Variants in TYW1 observed in about 807,000 individuals in gnomAD.
The protein encoded by TYW1 is S-adenosyl-L-methionine-dependent tRNA 4-demethylwyosine synthase TYW1.
A neutral mutation model predicts 96.2 loss-of-function variants in TYW1; 46 were observed. The observed-to-expected ratio is 0.48, with a 90% confidence interval of 0.38 to 0.61. The LOEUF is 0.61. TYW1 is among the 20% of genes least tolerant of loss of function. The pLI is 0.00. For synonymous variants in TYW1, 274 were observed against 323.0 expected, an observed-to-expected ratio of 0.85 and a Z score of 1.63; for missense variants, 684 against 909.6, an observed-to-expected ratio of 0.75 and a Z score of 3.19.
At chr7:67,085,437 G>A (rs1411378939) in intron 11 of TYW1, among the ~76,000 whole-genome samples, 1 of 152,118 alleles carries the variant, frequency 6.6e-6, no homozygotes, top group Admixed American at 6.5e-5. Context: ...CTGCTGCCTT[G>A]TGAAGGAGGT....
At chr7:67,006,977 T>TA (rs1159440024) in intron 3 of TYW1, among the ~76,000 whole-genome samples, 86 of 113,234 alleles carry the variant, frequency 7.6e-4, no homozygotes, top group Non-Finnish European at 1.3e-3. Flanking sequence ...TTTTTTTTTT[T>TA]AACAGCCATC....
intron 10 of TYW1, among the ~76,000 whole-genome samples, chr7:67,073,193 A>G (rs931989185): frequency 6.6e-6 from 1 of 152,068 alleles, no homozygotes; most frequent in African/African-American, 2.4e-5. Flanking sequence ...GTGGTTCTCA[A>G]CTGGGGGCAA....
intron 12 of TYW1, among the ~76,000 whole-genome samples, chr7:67,112,993 T>G (rs568145316): frequency 1.3e-5 from 2 of 152,162 alleles, no homozygotes; most frequent in Non-Finnish European, 2.9e-5. Context: ...GTTAGAACCA[T>G]GGGGGATAGT....
intron 15 of TYW1, among the ~76,000 whole-genome samples, chr7:67,204,889 C>T (rs1800731438): frequency 6.6e-6 from 1 of 152,162 alleles, no homozygotes; most frequent in Non-Finnish European, 1.5e-5. Flanking sequence ...GCCCAGCCAA[C>T]TTTCTATTTA....
chr7:67,118,316 G>A (rs1179851365), intron 13 of TYW1, among the ~76,000 whole-genome samples: 4 of 151,870 alleles, frequency 2.6e-5, no homozygotes, highest in Non-Finnish European at 5.9e-5. Context: ...GACAGAGTGA[G>A]ACTCTGTCTC....
intron 6 of TYW1, among the ~76,000 whole-genome samples, chr7:67,020,745 C>T (rs1466388473): frequency 3.3e-5 from 5 of 152,244 alleles, no homozygotes; most frequent in South Asian, 2.1e-4. Flanking sequence ...AAATATTTGT[C>T]AAGGCTGGGC....
intron 15 of TYW1, among the ~76,000 whole-genome samples, chr7:67,196,905 C>T (rs1398571335): frequency 6.6e-6 from 1 of 152,080 alleles, no homozygotes; most frequent in Admixed American, 6.5e-5. Flanking sequence ...CAGCAAGGGA[C>T]ACAGTGCTCA....
intron 15 of TYW1, among the ~76,000 whole-genome samples, chr7:67,196,900 A>G (rs1196594091): frequency 6.6e-6 from 1 of 152,164 alleles, no homozygotes; most frequent in Non-Finnish European, 1.5e-5. Flanking sequence ...GTGTGCAGCA[A>G]GGGACACAGT....
At chr7:67,094,400 A>C (rs950372812) in intron 11 of TYW1, among the ~76,000 whole-genome samples, 4 of 151,930 alleles carry the variant, frequency 2.6e-5, no homozygotes, top group African/African-American at 9.7e-5. Flanking sequence ...TGGTAGTTCT[A>C]TTTTTAGTTC....
At chr7:67,040,832 A>C (rs1024394041) in intron 7 of TYW1, among the ~76,000 whole-genome samples, 1 of 151,942 alleles carries the variant, frequency 6.6e-6, no homozygotes, top group Non-Finnish European at 1.5e-5. Flanking sequence ...TGACAGAGTG[A>C]GACCCTATCT....
chr7:67,097,754 A>G (rs1300767381), intron 11 of TYW1, among the ~76,000 whole-genome samples: 5 of 151,734 alleles, frequency 3.3e-5, no homozygotes, highest in Admixed American at 2.6e-4. Context: ...GTGCAGTGGC[A>G]TGATAGTGGT....
At chr7:67,011,218 A>G (rs1431932144) in intron 4 of TYW1, among the ~76,000 whole-genome samples, 1 of 152,160 alleles carries the variant, frequency 6.6e-6, no homozygotes, top group Non-Finnish European at 1.5e-5. Context: ...TTGTATTTTT[A>G]GTAGAGATGG....
intron 11 of TYW1, among the ~76,000 whole-genome samples, chr7:67,085,903 A>G (rs1184244721): frequency 6.6e-6 from 1 of 151,860 alleles, no homozygotes; most frequent in Non-Finnish European, 1.5e-5. Flanking sequence ...CCAGGAGGCA[A>G]AGGTTGCAGT....
At chr7:67,104,505 C>CGCCT (rs936543207) in intron 12 of TYW1, among the ~76,000 whole-genome samples, 8 of 152,210 alleles carry the variant, frequency 5.3e-5, no homozygotes, top group South Asian at 2.1e-4. Context: ...CATCTCCCAC[C>CGCCT]AGGCCCCTCC....
chr7:67,031,034 C>T (rs983602160), intron 7 of TYW1, among the ~76,000 whole-genome samples: 16 of 142,164 alleles, frequency 1.1e-4, no homozygotes, highest in Non-Finnish European at 2.2e-4. Flanking sequence ...AACCCTGTCT[C>T]GACTAAAAAT....
intron 13 of TYW1, among the ~76,000 whole-genome samples, chr7:67,164,502 T>G (rs577397270): frequency 6.6e-5 from 10 of 151,988 alleles, no homozygotes; most frequent in African/African-American, 2.2e-4. Context: ...TTCCAGCTAC[T>G]CAGGAGGCTG....
chr7:67,226,887 G>A (rs1430447039), intron 15 of TYW1, among the ~76,000 whole-genome samples: 1 of 152,040 alleles, frequency 6.6e-6, no homozygotes. Flanking sequence ...AGAAGGTCCG[G>A]TAGCCTCTCT....
At chr7:67,151,956 A>C (rs1397052763) in intron 13 of TYW1, among the ~76,000 whole-genome samples, 1 of 151,792 alleles carries the variant, frequency 6.6e-6, no homozygotes, top group East Asian at 1.9e-4. Flanking sequence ...ACAGGCATGC[A>C]CCATCACACC....
intron 13 of TYW1, among the ~76,000 whole-genome samples, chr7:67,139,931 G>A (rs535179103): frequency 2.0e-5 from 3 of 152,040 alleles, no homozygotes; most frequent in African/African-American, 7.3e-5. Flanking sequence ...TTTTCATGCT[G>A]CTGATAAAGA....
Sources: allele counts gnomAD v4.1 joint callset (sites outside exome capture counted in the v4.1 genomes callset), GRCh38; gene constraint gnomAD v4.1.1; transcripts MANE v1.5; gene names NCBI Gene and HGNC (gene_info 2026-07-23, HGNC 2026-07-21).